The following ERICH6B variants were observed in gnomAD, a reference collection of about 807,000 sequenced individuals.
ERICH6B encodes the protein glutamate rich 6B.
A neutral mutation model predicts 80.0 loss-of-function variants in ERICH6B; 69 were observed. That is an observed-to-expected ratio of 0.86 (90% CI 0.71 to 1.05). The LOEUF is 1.05. Among genes scored for constraint, ERICH6B ranks in the 50% least tolerant of loss-of-function variants. The pLI is 0.00. For missense variants in ERICH6B, 754 were observed against 796.1 expected (o/e 0.95, Z 0.64); for synonymous variants, 283 against 291.9 (o/e 0.97, Z 0.31).
At chr13:45,557,329 A>G (rs1303052732) in intron 11 of ERICH6B, among the ~76,000 whole-genome samples, 4 of 152,126 alleles carry the variant, frequency 2.6e-5, no homozygotes, top group South Asian at 4.2e-4. Context: ...TCTGGATATT[A>G]GTCCTTTGTC....
chr13:45,587,041 G>A (rs776996374), intron 5 of ERICH6B, 22 bp downstream of exon 5: 36 of 1,546,870 alleles, frequency 2.3e-5, no homozygotes, highest in Non-Finnish European at 3.0e-5. Context: ...GCGCCTCACC[G>A]ACAGAGCGCA....
chr13:45,575,171 A>G (rs952811765), intron 7 of ERICH6B, among the ~76,000 whole-genome samples: 1 of 152,200 alleles, frequency 6.6e-6, no homozygotes, highest in African/African-American at 2.4e-5. Flanking sequence ...AAGCAAGTGC[A>G]TGTTCCTGGT....
At chr13:45,565,133 GT>G (rs369457248) in intron 9 of ERICH6B, among the ~76,000 whole-genome samples, 6 of 148,452 alleles carry the variant, frequency 4.0e-5, no homozygotes, top group Admixed American at 2.0e-4. Flanking sequence ...ATTATTTGGT[GT>G]TTTTTTTTTG....
At chr13:45,583,361 G>A (rs1020948906) in intron 5 of ERICH6B, among the ~76,000 whole-genome samples, 1 of 152,112 alleles carries the variant, frequency 6.6e-6, no homozygotes, top group African/African-American at 2.4e-5. Context: ...GTTTTGGTAA[G>A]AATGTTTATC....
At chr13:45,592,427 G>A (rs1876193822) in intron 3 of ERICH6B, among the ~76,000 whole-genome samples, 1 of 152,104 alleles carries the variant, frequency 6.6e-6, no homozygotes. Flanking sequence ...CCTTTCTTCT[G>A]AAATTTCCAG....
At chr13:45,581,678 A>G (rs1875678018) in intron 5 of ERICH6B, among the ~76,000 whole-genome samples, 2 of 152,194 alleles carry the variant, frequency 1.3e-5, no homozygotes, top group South Asian at 4.1e-4. Flanking sequence ...CGCCTGGCCC[A>G]TTCCATTCTT....
At chr13:45,615,493 G>A (rs1255604309) in intron 1 of ERICH6B, among the ~76,000 whole-genome samples, 192 bp downstream of exon 1, 1 of 152,240 alleles carries the variant, frequency 6.6e-6, no homozygotes, top group Non-Finnish European at 1.5e-5. Context: ...CAAGGGAATA[G>A]AGAGGCCGAG....
chr13:45,587,089 G>A lies in ERICH6B; in HGVS notation c.830C>T (p.Thr277Ile). The A allele has an allele frequency of 1.3e-6, 2 of 1,551,716 alleles. No homozygotes were observed. The highest frequency in any genetic ancestry group is 1.2e-5 in the South Asian group (1 of 84,046). Residue 277 changes from threonine to isoleucine, a missense_variant, in exon 5 of 15, where the codon ACA (threonine) becomes ATA (isoleucine). Coordinates refer to ENST00000298738, the MANE Select transcript of ERICH6B (RefSeq NM_182542.3). Reference protein sequence around the residue: ...TLYRRSQASQTDWCYDRTAVK... With the variant: ...TLYRRSQASQIDWCYDRTAVK... ...GGCAGTTCTGTCGTAGCACCAGTCT[G>A]TCTGACTGGCCTGGCTCCTCCTGTA...
chr13:45,593,798 G>A (rs1340513031), intron 3 of ERICH6B, among the ~76,000 whole-genome samples: 1 of 152,224 alleles, frequency 6.6e-6, no homozygotes, highest in African/African-American at 2.4e-5. Flanking sequence ...CTTTGCTGCT[G>A]AGCCCAGACA....
chr13:45,582,904 T>A (rs902889850), intron 5 of ERICH6B, among the ~76,000 whole-genome samples: 1 of 152,352 alleles, frequency 6.6e-6, no homozygotes, highest in Non-Finnish European at 1.5e-5. Context: ...TTGGCTTCTA[T>A]TGATCTTAGG....
chr13:45,603,619 G>T (rs1220565671), intron 2 of ERICH6B, among the ~76,000 whole-genome samples: 4 of 152,096 alleles, frequency 2.6e-5, no homozygotes, highest in Admixed American at 2.6e-4. Context: ...CCTGTGCCTG[G>T]GTCCTGTCCC....
chr13:45,550,676 G>C (rs1051973601), intron 11 of ERICH6B, among the ~76,000 whole-genome samples: 2 of 152,142 alleles, frequency 1.3e-5, no homozygotes, highest in Non-Finnish European at 2.9e-5. Context: ...CCCCAGGGTT[G>C]GTTCCTTCTA....
At chr13:45,599,543 T>C (rs1224324193) in intron 2 of ERICH6B, among the ~76,000 whole-genome samples, 2 of 152,058 alleles carry the variant, frequency 1.3e-5, no homozygotes, top group Non-Finnish European at 2.9e-5. Flanking sequence ...AAAAAAAGTG[T>C]ATTGGCTAAC....
chr13:45,608,656 A>T (rs1310821446), intron 1 of ERICH6B, among the ~76,000 whole-genome samples: 1 of 152,208 alleles, frequency 6.6e-6, no homozygotes, highest in Non-Finnish European at 1.5e-5. Flanking sequence ...AAAATAAATT[A>T]CGCTTTCTCC....
rs528137732 is a variant in ERICH6B, at chr13:45,600,071, A to G, written c.-58-3008T>C. Among the ~76,000 whole-genome samples, 11 of 152,342 alleles carry G rather than the reference A, an allele frequency of 7.2e-5. No individual in the cohort carries two copies. The South Asian group carries it at 2.3e-3, about 32-fold the overall frequency. On this transcript the variant is annotated intron_variant, in intron 2 of 14. Transcript: ENST00000298738. ...CTGTCTTTGGGGCAAAGGGTGAGCT[A>G]CGGAAAGCTTTGGGACCCAACCACA... is the stretch of plus-strand genomic sequence containing the variant.
At chr13:45,598,566 G>A (rs1876499756) in intron 2 of ERICH6B, among the ~76,000 whole-genome samples, 1 of 152,108 alleles carries the variant, frequency 6.6e-6, no homozygotes, top group Admixed American at 6.6e-5. Context: ...ATGAATTTTA[G>A]CAAATGCAGC....
intron 11 of ERICH6B, among the ~76,000 whole-genome samples, chr13:45,550,676 G>T (rs1051973601): frequency 6.6e-6 from 1 of 152,142 alleles, no homozygotes; most frequent in Admixed American, 6.5e-5. Flanking sequence ...CCCCAGGGTT[G>T]GTTCCTTCTA....
intron 4 of ERICH6B, 37 bp downstream of exon 4, chr13:45,590,612 A>C (rs1876118363): frequency 6.5e-7 from 1 of 1,535,828 alleles, no homozygotes; most frequent in African/African-American, 1.4e-5. Flanking sequence ...CCCAAGCAGG[A>C]GTTTCCACCT....
chr13:45,605,510 GC>G (rs1949853017), intron 2 of ERICH6B, among the ~76,000 whole-genome samples: 1 of 152,192 alleles, frequency 6.6e-6, no homozygotes, highest in South Asian at 2.1e-4. Context: ...ATAGATGACA[GC>G]ACTAAGGTTC....
Sources: gnomAD v4.1 joint callset for allele counts (sites outside exome capture counted in the v4.1 genomes callset) on GRCh38, gnomAD v4.1.1 for gene constraint, MANE v1.5 for transcripts, NCBI Gene and HGNC (gene_info 2026-07-23, HGNC 2026-07-21) for gene names.